The following SPAG16 variants were observed in gnomAD, a reference collection of about 807,000 sequenced individuals.
SPAG16 encodes the protein sperm-associated antigen 16 protein.
Under a neutral mutation model 80.4 loss-of-function variants are expected in SPAG16, and 86 were observed. The observed-to-expected ratio is 1.07, with a 90% CI of 0.90 to 1.28. SPAG16 has a LOEUF of 1.28. Among genes scored for constraint, SPAG16 ranks in the 50% most tolerant of loss-of-function variants. SPAG16 has a pLI of 0.00. For missense variants in SPAG16, 870 were observed against 765.3 expected, an observed-to-expected ratio of 1.14 and a Z score of -1.61; for synonymous variants, 294 against 265.9, an observed-to-expected ratio of 1.11 and a Z score of -1.03.
At chr2:213,346,939 G>A (rs992612659) in intron 6 of SPAG16, among the ~76,000 whole-genome samples, 1 of 152,064 alleles carries the variant, frequency 6.6e-6, no homozygotes, top group African/African-American at 2.4e-5. Flanking sequence ...TCTATTGATT[G>A]GAATAGTTTT....
intron 9 of SPAG16, among the ~76,000 whole-genome samples, chr2:213,424,107 C>A (rs2069761582): frequency 2.0e-5 from 3 of 152,106 alleles, no homozygotes; most frequent in Non-Finnish European, 4.4e-5. Flanking sequence ...GGAAGGGATT[C>A]TTTCAGGGGG....
At chr2:213,962,136 G>A (rs535406452) in intron 12 of SPAG16, among the ~76,000 whole-genome samples, 5 of 151,652 alleles carry the variant, frequency 3.3e-5, no homozygotes, top group Non-Finnish European at 7.4e-5. Context: ...CATTTAAAGC[G>A]GTAATTATGG....
chr2:214,327,925 G>C lies in SPAG16; in HGVS notation c.1721-82215G>C, dbSNP rs567068593. Among the ~76,000 whole-genome samples the C allele has an allele frequency of 3.9e-5, 6 of 152,224 alleles. No homozygotes were observed. The South Asian group carries it at 1.2e-3, about 32-fold the overall frequency. ...TGGTTAATAAGTCACTTATCTAATT[G>C]ATACTAGAGTATCAGCAGGGTGGGT... On this transcript the variant is annotated intron_variant, in intron 15 of 15. Coordinates refer to ENST00000331683, the MANE Select transcript of SPAG16 (RefSeq NM_024532.5).
In SPAG16 at chr2:214,114,927, T is replaced by C. The variant is rs549264346; in HGVS notation, c.1593+6666T>C. On this transcript the variant is annotated intron_variant, in intron 14 of 15. Transcript: ENST00000331683. ...GTTGCAGACTGGTGCTGTTCCTATT[T>C]GGCCATCTTGGAACAGAACTCGCTA... 4.6e-5 allele frequency among the ~76,000 whole-genome samples: 7 copies of C among 152,342 alleles called. 1 individual carries two copies. In the South Asian group the frequency reaches 6.2e-4, roughly 14 times the overall value.
chr2:213,771,992 CA>C (rs1176499959), intron 10 of SPAG16, among the ~76,000 whole-genome samples: 1 of 151,934 alleles, frequency 6.6e-6, no homozygotes, highest in Non-Finnish European at 1.5e-5. Flanking sequence ...TGAAGAATGT[CA>C]ATGGTAGTTT....
At chr2:213,414,425 A>T (rs1338796326) in intron 9 of SPAG16, among the ~76,000 whole-genome samples, 1 of 152,184 alleles carries the variant, frequency 6.6e-6, no homozygotes, top group African/African-American at 2.4e-5. Context: ...GTTCTTTATT[A>T]AAAAACCTGA....
At chr2:213,414,750 A>G (rs1318769465) in intron 9 of SPAG16, among the ~76,000 whole-genome samples, 1 of 152,260 alleles carries the variant, frequency 6.6e-6, no homozygotes, top group Admixed American at 6.5e-5. Context: ...AAAATAAGTA[A>G]TAACCGCTGA....
At chr2:214,163,185 A>G (rs1336251830) in intron 15 of SPAG16, among the ~76,000 whole-genome samples, 1 of 151,804 alleles carries the variant, frequency 6.6e-6, no homozygotes, top group Non-Finnish European at 1.5e-5. Flanking sequence ...ATCATTATAC[A>G]TTCTTGATCT....
chr2:213,712,721 A>G (rs1196875942), intron 10 of SPAG16, among the ~76,000 whole-genome samples: 2 of 152,144 alleles, frequency 1.3e-5, no homozygotes, highest in East Asian at 3.8e-4. Flanking sequence ...CATACTGAGA[A>G]CTTACTTGAG....
chr2:213,598,324 C>A (rs2060949186), intron 10 of SPAG16, among the ~76,000 whole-genome samples: 1 of 152,128 alleles, frequency 6.6e-6, no homozygotes, highest in Admixed American at 6.5e-5. Context: ...ATCATAGTTT[C>A]CAAATACCAA....
intron 10 of SPAG16, among the ~76,000 whole-genome samples, chr2:213,706,375 T>G (rs2065752984): frequency 6.6e-6 from 1 of 152,264 alleles, no homozygotes; most frequent in Non-Finnish European, 1.5e-5. Context: ...AATATTGAAT[T>G]AAACGAGAAG....
intron 10 of SPAG16, among the ~76,000 whole-genome samples, chr2:213,620,087 C>G (rs761785105): frequency 2.0e-5 from 3 of 151,624 alleles, no homozygotes; most frequent in Non-Finnish European, 4.4e-5. Flanking sequence ...TGTTCTCACT[C>G]AGGTGGGAGC....
intron 12 of SPAG16, among the ~76,000 whole-genome samples, chr2:213,932,949 AACACACACACACAC>A (rs3076792): frequency 6.2e-5 from 9 of 144,044 alleles, no homozygotes; most frequent in South Asian, 2.3e-4. Flanking sequence ...GTTGTTTGAA[AACACACACACACAC>A]ACACACACAC....
chr2:213,825,226 T>A (rs2073198965), intron 10 of SPAG16, among the ~76,000 whole-genome samples: 1 of 152,154 alleles, frequency 6.6e-6, no homozygotes, highest in African/African-American at 2.4e-5. Flanking sequence ...TTCTTTATCT[T>A]GTCTGATTGC....
chr2:213,952,049 G>A (rs2079811469), intron 12 of SPAG16, among the ~76,000 whole-genome samples: 1 of 152,022 alleles, frequency 6.6e-6, no homozygotes, highest in Admixed American at 6.5e-5. Context: ...TATTACTTAT[G>A]GACAATCACT....
At chr2:213,343,692 T>G (rs1281135109) in intron 6 of SPAG16, among the ~76,000 whole-genome samples, 1 of 151,782 alleles carries the variant, frequency 6.6e-6, no homozygotes, top group Non-Finnish European at 1.5e-5. Flanking sequence ...AAACATAATA[T>G]GCAAATGAAA....
At chr2:214,042,675 C>T (rs999581261) in intron 13 of SPAG16, among the ~76,000 whole-genome samples, 6 of 152,126 alleles carry the variant, frequency 3.9e-5, no homozygotes, top group African/African-American at 1.4e-4. Context: ...GATGTCTTCA[C>T]ACTTTCTTTT....
chr2:214,147,129 C>T (rs1424947821), intron 14 of SPAG16, among the ~76,000 whole-genome samples: 1 of 152,058 alleles, frequency 6.6e-6, no homozygotes, highest in East Asian at 1.9e-4. Context: ...CTTGAAGTTG[C>T]TATGTACTAG....
chr2:214,024,322 A>G (rs2048030176), intron 13 of SPAG16, among the ~76,000 whole-genome samples: 1 of 151,662 alleles, frequency 6.6e-6, no homozygotes, highest in Non-Finnish European at 1.5e-5. Flanking sequence ...TTCATTACTG[A>G]AATGGCTTCT....
Sources: gnomAD v4.1 joint callset for allele counts (sites outside exome capture counted in the v4.1 genomes callset) on GRCh38, gnomAD v4.1.1 for gene constraint, MANE v1.5 for transcripts, NCBI Gene and HGNC (gene_info 2026-07-23, HGNC 2026-07-21) for gene names.